The following ELP1 variants were observed in gnomAD, a reference collection of about 807,000 sequenced individuals.
ELP1 encodes elongator acetyltransferase complex subunit 1.
In ELP1, 131 loss-of-function variants were observed where a neutral mutation model predicts 183.2. That is an observed-to-expected ratio of 0.72 (90% CI 0.62 to 0.83). The LOEUF (loss-of-function observed/expected upper bound fraction) is 0.83, where lower values mean the gene tolerates loss of function less well. Ranked by LOEUF, ELP1 falls within the 40% of genes least tolerant of loss-of-function variation. The probability of loss-of-function intolerance (pLI) is 0.00; values close to 1 mark genes in which losing one functional copy is unlikely to be tolerated. For synonymous variants in ELP1, 555 were observed against 569.0 expected (o/e 0.98, Z 0.35); for missense variants, 1,550 against 1,594.9 (o/e 0.97, Z 0.48).
chr9:108,871,654 G>A (rs1827465011), intron 36 of ELP1, among the ~76,000 whole-genome samples: 1 of 152,162 alleles, frequency 6.6e-6, no homozygotes, highest in African/African-American at 2.4e-5. Context: ...CATTTACAAA[G>A]CCAAACCTCT....
At chr9:108,917,336 G>C (rs993118417) in intron 9 of ELP1, among the ~76,000 whole-genome samples, 1 of 151,984 alleles carries the variant, frequency 6.6e-6, no homozygotes, top group African/African-American at 2.4e-5. Context: ...CTGTGGTGGC[G>C]CAAGCCTGTA....
At chr9:108,879,608 G>T in intron 32 of ELP1, 51 bp from the exon 33 acceptor site, 1 of 1,341,272 alleles carries the variant, frequency 7.5e-7, no homozygotes, top group African/African-American at 1.5e-5. Context: ...CTAATGTGTG[G>T]GTTTACTTTC....
intron 3 of ELP1, among the ~76,000 whole-genome samples, chr9:108,928,929 T>C (rs1015890455): frequency 1.3e-5 from 2 of 152,226 alleles, no homozygotes; most frequent in Non-Finnish European, 2.9e-5. Context: ...TTGATTACTG[T>C]GTGACCCTGG....
intron 28 of ELP1, among the ~76,000 whole-genome samples, chr9:108,890,656 G>A (rs971693052): frequency 6.6e-6 from 1 of 152,156 alleles, no homozygotes; most frequent in Non-Finnish European, 1.5e-5. Flanking sequence ...CTTTCAGAAT[G>A]CTTCGACATT....
Position 108,906,334 on chromosome 9 carries a change from T to C in ELP1, c.1612A>G (p.Met538Val), listed in dbSNP as rs1564091969. 6.2e-7 allele frequency: 1 copy of C among 1,614,008 alleles called. No individual in the cohort carries two copies. Among genetic ancestry groups the C allele is most frequent in the East Asian group, 2.2e-5 (1 of 44,880 alleles). Residue 538 changes from methionine (M) to valine (V), a missense_variant, in exon 14 of 37, where the codon ATG (methionine) becomes GTG (valine). By Grantham distance (21) the Met-to-Val change is conservative. Transcript: ENST00000374647. ...TTGAGCTGTCCATGCTCTTCATCCA[T>C]CTCAGAAGAAGCTGCAGTCAAATGG... is the stretch of plus-strand genomic sequence containing the variant. ...IHHLTAASSE[M>V]DEEHGQLNVS...
Position 108,895,868 on chromosome 9 carries a change from T to C in ELP1, c.2736+628A>G, listed in dbSNP as rs79350557. Among the ~76,000 whole-genome samples, 1,267 of 152,326 alleles carry C rather than the reference T, an allele frequency of 8.3e-3. 20 individuals are homozygous for C. Among genetic ancestry groups the C allele is most frequent in the African/African-American group, 0.028 (1,175 of 41,580 alleles). ...CCCTCCACTAGAAAAAAGAGCCATGTGAGAAAGAACCGGAGTGGAACATGA... is the reference window on the plus strand; with the variant it reads ...CCCTCCACTAGAAAAAAGAGCCATGCGAGAAAGAACCGGAGTGGAACATGA... On this transcript the variant is annotated intron_variant, in intron 25 of 36. Transcript: ENST00000374647.
chr9:108,874,590 G>C (rs1412722543), intron 36 of ELP1, among the ~76,000 whole-genome samples: 1 of 152,188 alleles, frequency 6.6e-6, no homozygotes, highest in Non-Finnish European at 1.5e-5. Flanking sequence ...TGTAAATGTA[G>C]ACAGTTTAGA....
intron 14 of ELP1, among the ~76,000 whole-genome samples, chr9:108,905,150 ATG>A (rs1292893085): frequency 6.6e-6 from 1 of 152,252 alleles, no homozygotes; most frequent in Non-Finnish European, 1.5e-5. Flanking sequence ...ACGAAAGACT[ATG>A]AGTCAAAGAG....
chr9:108,912,711 GT>G (rs199537662), intron 10 of ELP1, among the ~76,000 whole-genome samples: 5 of 144,928 alleles, frequency 3.4e-5, no homozygotes, highest in African/African-American at 1.0e-4. Flanking sequence ...TTATTTTCTT[GT>G]TTTTTTTCTA....
intron 26 of ELP1, 37 bp from the exon 27 acceptor site, chr9:108,893,120 A>G: frequency 4.9e-6 from 7 of 1,443,066 alleles, no homozygotes; most frequent in Non-Finnish European, 6.8e-6. Flanking sequence ...CAGGCTTAAG[A>G]CATGGGAAGC....
intron 31 of ELP1, among the ~76,000 whole-genome samples, chr9:108,880,799 T>C (rs1451306510): frequency 6.6e-6 from 1 of 152,238 alleles, no homozygotes; most frequent in African/African-American, 2.4e-5. Context: ...TGAGGAATGA[T>C]GTTTTCAGTA....
Position 108,919,309 on chromosome 9 carries a change from A to G in ELP1, c.593T>C (p.Val198Ala), listed in dbSNP as rs948923581. 13 of 1,613,864 alleles carry G rather than the reference A, an allele frequency of 8.1e-6. No homozygotes were observed. The African/African-American group carries it at 1.5e-4, about 18-fold the overall frequency. The change falls in exon 7 of 37, where the codon GTT (valine) becomes GCT (alanine). Residue 198 changes from valine to alanine, a missense_variant. Physicochemically the swap from Val to Ala is moderately conservative, Grantham distance 64 (BLOSUM62 0). Coordinates refer to ENST00000374647, the MANE Select transcript of ELP1 (RefSeq NM_003640.5). ...AAACTGTCCATCCCCCCGCCAGGTA[A>G]CTTGTGGTCTATGGTCATCCCAGGG... ...ALPWDDHRPQVTWRGDGQFFA... is the reference protein window; with the variant it reads ...ALPWDDHRPQATWRGDGQFFA...
intron 35 of ELP1, among the ~76,000 whole-genome samples, chr9:108,877,608 AT>A (rs1244590656): frequency 6.6e-6 from 1 of 152,172 alleles, no homozygotes; most frequent in Non-Finnish European, 1.5e-5. Flanking sequence ...AGGAAAAGCA[AT>A]TGCCTGGGGT....
chr9:108,909,580 G>A (rs1488424703), intron 12 of ELP1, among the ~76,000 whole-genome samples: 1 of 152,146 alleles, frequency 6.6e-6, no homozygotes, highest in African/African-American at 2.4e-5. Context: ...ACTCTCCCCA[G>A]TGGGTTCTTT....
At chr9:108,871,958 C>T (rs1827474982) in intron 36 of ELP1, among the ~76,000 whole-genome samples, 1 of 152,178 alleles carries the variant, frequency 6.6e-6, no homozygotes, top group African/African-American at 2.4e-5. Context: ...GTTCATTTAT[C>T]TTGAAGTGGT....
rs1384443720 is a variant in ELP1 at position 108,901,530 on chromosome 9, C to T, written c.1909G>A (p.Val637Ile). The T allele has an allele frequency of 1.2e-6, 2 of 1,613,646 alleles. No homozygotes were observed. The highest frequency in any genetic ancestry group is 1.7e-6 in the Non-Finnish European group (2 of 1,179,552). ...RCRFFINDIE[V>I]ASNITSFAVY... is the part of the protein sequence containing the mutation. ...GCAAATGACGTGATATTTGACGCAA[C>T]CTGCAAGAGAAGGCCAGAGAGGCAT... The change falls in exon 18 of 37, where the codon GTT (valine) becomes ATT (isoleucine). Residue 637 changes from valine to isoleucine, a missense_variant and splice_region_variant. Coordinates refer to ENST00000374647, the MANE Select transcript of ELP1 (RefSeq NM_003640.5).
chr9:108,919,865 G>A (rs755361048), intron 6 of ELP1, among the ~76,000 whole-genome samples: 4 of 152,102 alleles, frequency 2.6e-5, no homozygotes, highest in Non-Finnish European at 4.4e-5. Context: ...GGGAAGAAAC[G>A]TCTCCTCCAG....
intron 1 of ELP1, 32 bp from the exon 2 acceptor site, chr9:108,931,233 A>G (rs1452132704): frequency 8.2e-7 from 1 of 1,223,002 alleles, no homozygotes; most frequent in Non-Finnish European, 1.2e-6. Flanking sequence ...TAATAGTGAT[A>G]AATGACCATA....
chr9:108,870,831 A>G (rs1827421557), intron 36 of ELP1, among the ~76,000 whole-genome samples: 1 of 152,190 alleles, frequency 6.6e-6, no homozygotes, highest in Non-Finnish European at 1.5e-5. Context: ...TGCTTCTTTT[A>G]TGTAATCTTC....
Sources: allele counts gnomAD v4.1 joint callset (sites outside exome capture counted in the v4.1 genomes callset), GRCh38; gene constraint gnomAD v4.1.1; transcripts MANE v1.5; gene names NCBI Gene and HGNC (gene_info 2026-07-23, HGNC 2026-07-21).